CCDC68: variants seen among roughly 807,000 people sequenced by gnomAD.
The protein encoded by CCDC68 is coiled-coil domain-containing protein 68.
CCDC68 carries 45 observed loss-of-function variants against 47.1 expected under a neutral mutation model. That is an observed-to-expected ratio of 0.96 (90% CI 0.75 to 1.23). The LOEUF (loss-of-function observed/expected upper bound fraction) is 1.23, where lower values mean the gene tolerates loss of function less well. Among genes scored for constraint, CCDC68 ranks in the 50% most tolerant of loss-of-function variants. The probability of loss-of-function intolerance (pLI) is 0.00; values close to 1 mark genes in which losing one functional copy is unlikely to be tolerated. For missense variants in CCDC68, 353 were observed against 373.6 expected (o/e 0.94, Z 0.45); for synonymous variants, 131 against 129.5 (o/e 1.01, Z -0.08).
intron 10 of CCDC68, among the ~76,000 whole-genome samples, chr18:54,912,305 A>G (rs1451933014): frequency 6.6e-6 from 1 of 152,208 alleles, no homozygotes; most frequent in Non-Finnish European, 1.5e-5. Context: ...AACCAGAAAG[A>G]AAGTAAATAA....
At position 54,923,746 on chromosome 18, in the gene CCDC68, C is replaced by G. The variant is rs561582544; in HGVS notation, c.684-4370G>C. Among the ~76,000 whole-genome samples the G allele has an allele frequency of 5.9e-5, 9 of 151,446 alleles. No individual in the cohort carries two copies. In the South Asian group the frequency reaches 1.5e-3, roughly 25 times the overall value. ...TTTTTTTTTTAAACAAAGTCTCACTCTGTCACCCAGCCTGAAGTGCAATGA... is the reference window on the plus strand; with the variant it reads ...TTTTTTTTTTAAACAAAGTCTCACTGTGTCACCCAGCCTGAAGTGCAATGA... On this transcript the variant is annotated intron_variant, in intron 8 of 11. Transcript: ENST00000591504.
intron 2 of CCDC68, 150 bp downstream of exon 2, chr18:54,945,238 C>T (rs1028705048): frequency 6.6e-6 from 1 of 152,038 alleles, no homozygotes; most frequent in Non-Finnish European, 1.5e-5. Context: ...TTGTATTCCT[C>T]TATGTATTTT....
Position 54,929,606 on chromosome 18 carries a change from G to A in CCDC68, c.601-724C>T, listed in dbSNP as rs531149785. Among the ~76,000 whole-genome samples the A allele has an allele frequency of 2.4e-3, 370 of 152,252 alleles. 6 individuals carry two copies. Among genetic ancestry groups the A allele is most frequent in the East Asian group, 1.9e-3 (10 of 5,184 alleles). On this transcript the variant is annotated intron_variant, in intron 7 of 11. Coordinates refer to ENST00000591504, the MANE Select transcript of CCDC68 (RefSeq NM_025214.3). The stretch of plus-strand genomic sequence containing the variant: ...TTGGTGCTTTGGCCTGATGGTTTAG[G>A]TTGCCAAGTTGGAAAGAATCAAGGG...
intron 3 of CCDC68, 26 bp from the exon 4 acceptor site, chr18:54,941,109 G>A (rs2044430594): frequency 6.4e-7 from 1 of 1,551,054 alleles, no homozygotes; most frequent in Non-Finnish European, 8.9e-7. Context: ...AAAACCATTT[G>A]TTTCAAAGGC....
chr18:54,909,371 AT>A (rs1376272641), intron 10 of CCDC68, among the ~76,000 whole-genome samples: 1 of 123,058 alleles, frequency 8.1e-6, no homozygotes, highest in Non-Finnish European at 1.6e-5. Flanking sequence ...TTTAAAAGGT[AT>A]TTTCTTTCTT....
chr18:54,917,794 T>C, intron 10 of CCDC68, 119 bp downstream of exon 10: 1 of 681,520 alleles, frequency 1.5e-6, no homozygotes, highest in South Asian at 1.7e-5. Context: ...ATACAATGCA[T>C]GCTTTCATAC....
At chr18:54,952,051 C>T (rs1470693014) in intron 1 of CCDC68, among the ~76,000 whole-genome samples, 1 of 152,230 alleles carries the variant, frequency 6.6e-6, no homozygotes, top group Non-Finnish European at 1.5e-5. Flanking sequence ...AATGTTTATA[C>T]TCACAACTTA....
At chr18:54,944,463 C>T (rs2145600140) in intron 2 of CCDC68, among the ~76,000 whole-genome samples, 1 of 152,040 alleles carries the variant, frequency 6.6e-6, no homozygotes, top group African/African-American at 2.4e-5. Flanking sequence ...GACACAAAAC[C>T]CATCCTGAAG....
chr18:54,954,769 T>A (rs2044683599), intron 1 of CCDC68: 1 of 152,170 alleles, frequency 6.6e-6, no homozygotes, highest in African/African-American at 2.4e-5. Context: ...TTTAGAATTT[T>A]AAAAATCCTT....
At chr18:54,920,133 C>CA (rs2044030921) in intron 8 of CCDC68, among the ~76,000 whole-genome samples, 1 of 152,148 alleles carries the variant, frequency 6.6e-6, no homozygotes, top group Non-Finnish European at 1.5e-5. Flanking sequence ...AAGCCACATG[C>CA]ACTGTGGCAA....
intron 8 of CCDC68, among the ~76,000 whole-genome samples, chr18:54,919,732 C>G (rs2044021246): frequency 6.6e-6 from 1 of 152,208 alleles, no homozygotes; most frequent in African/African-American, 2.4e-5. Flanking sequence ...TCAAACTTCA[C>G]AGACAATTGC....
At chr18:54,943,756 A>G (rs1307259737) in intron 2 of CCDC68, among the ~76,000 whole-genome samples, 1 of 152,238 alleles carries the variant, frequency 6.6e-6, no homozygotes, top group African/African-American at 2.4e-5. Flanking sequence ...TTATGTACAC[A>G]GGTTCACATT....
Position 54,904,236 on chromosome 18 carries a change from G to C in CCDC68, c.*122C>G. ...ATGTCATCTTCTTGCAAAGCCATTG[G>C]TATGTAATAAGTTCCATTTAAATAA... On this transcript the variant is annotated 3_prime_UTR_variant, in exon 12 of 12. Coordinates refer to ENST00000591504, the MANE Select transcript of CCDC68 (RefSeq NM_025214.3). 1.4e-6 allele frequency: 1 copy of C among 710,574 alleles called. No homozygotes were observed. Among genetic ancestry groups the C allele is most frequent in the East Asian group, 2.6e-5 (1 of 38,782 alleles). The allele number at this position is 710,574 out of a possible 1,614,324, so 44.0% of individuals were successfully genotyped here.
At chr18:54,907,938 C>A in intron 10 of CCDC68, 76 bp from the exon 11 acceptor site, 1 of 816,768 alleles carries the variant, frequency 1.2e-6, no homozygotes, top group Non-Finnish European at 2.1e-6. Flanking sequence ...TCTATTCAAC[C>A]CAACACCTGC....
At chr18:54,914,594 C>A (rs2043913426) in intron 10 of CCDC68, among the ~76,000 whole-genome samples, 1 of 151,882 alleles carries the variant, frequency 6.6e-6, no homozygotes, top group Admixed American at 6.6e-5. Context: ...CCACTGCACT[C>A]CAGCCTGGGT....
intron 4 of CCDC68, 86 bp from the exon 5 acceptor site, chr18:54,938,183 A>T: frequency 7.9e-7 from 1 of 1,267,988 alleles, no homozygotes; most frequent in Non-Finnish European, 1.1e-6. Context: ...AGTATTACAT[A>T]TATCAAAGAA....
At chr18:54,950,897 CTTTTT>C (rs869026740) in intron 1 of CCDC68, among the ~76,000 whole-genome samples, 2 of 61,960 alleles carry the variant, frequency 3.2e-5, no homozygotes, top group Non-Finnish European at 5.4e-5. Flanking sequence ...ATTCAGATGT[CTTTTT>C]TTTTTTTTTT....
At chr18:54,931,911 CA>C (rs1306432968) in intron 7 of CCDC68, among the ~76,000 whole-genome samples, 2 of 152,096 alleles carry the variant, frequency 1.3e-5, no homozygotes. Context: ...AATTTTTCTC[CA>C]GGGGGCACCT....
At chr18:54,909,605 A>G (rs1257298864) in intron 10 of CCDC68, among the ~76,000 whole-genome samples, 4 of 152,228 alleles carry the variant, frequency 2.6e-5, no homozygotes, top group Admixed American at 6.5e-5. Flanking sequence ...AGGGCGAGTC[A>G]GGTGTGAAAT....
Sources: gnomAD v4.1 joint callset for allele counts (sites outside exome capture counted in the v4.1 genomes callset) on GRCh38, gnomAD v4.1.1 for gene constraint, MANE v1.5 for transcripts, NCBI Gene and HGNC (gene_info 2026-07-23, HGNC 2026-07-21) for gene names.